PDSS2: variants seen among roughly 807,000 people sequenced by gnomAD.
PDSS2 encodes decaprenyl diphosphate synthase subunit 2, also known as all trans-polyprenyl-diphosphate synthase PDSS2.
Under a neutral mutation model 44.5 loss-of-function variants are expected in PDSS2, and 31 were observed. That is an observed-to-expected ratio of 0.70 (90% CI 0.52 to 0.94). The LOEUF is 0.94. Among genes scored for constraint, PDSS2 ranks in the 40% least tolerant of loss-of-function variants. The pLI is 0.00. For missense variants in PDSS2, 452 were observed against 482.2 expected (o/e 0.94, Z 0.59); for synonymous variants, 157 against 180.3 (o/e 0.87, Z 1.03).
chr6:107,179,218 G>C (rs1477584286), intron 7 of PDSS2, among the ~76,000 whole-genome samples: 1 of 152,060 alleles, frequency 6.6e-6, no homozygotes, highest in Non-Finnish European at 1.5e-5. Flanking sequence ...GCACCATTGC[G>C]CTACACACTA....
intron 1 of PDSS2, among the ~76,000 whole-genome samples, chr6:107,432,949 A>G (rs1583078259): frequency 6.6e-6 from 1 of 151,818 alleles, no homozygotes; most frequent in East Asian, 1.9e-4. Context: ...TTTCCCTACC[A>G]CCCCAATAAC....
chr6:107,275,154 G>A (rs1775735920), intron 2 of PDSS2, among the ~76,000 whole-genome samples: 1 of 152,044 alleles, frequency 6.6e-6, no homozygotes, highest in Non-Finnish European at 1.5e-5. Flanking sequence ...TTTATTACAC[G>A]GGAATTTCAG....
chr6:107,248,537 A>G (rs935579301), intron 3 of PDSS2, among the ~76,000 whole-genome samples: 6 of 136,052 alleles, frequency 4.4e-5, no homozygotes, highest in Non-Finnish European at 9.3e-5. Flanking sequence ...AAAAAAAAAA[A>G]GCAGAATACT....
chr6:107,179,986 C>T (rs184071684), intron 7 of PDSS2, among the ~76,000 whole-genome samples: 35 of 152,238 alleles, frequency 2.3e-4, no homozygotes, highest in African/African-American at 6.5e-4. Context: ...ATCTAGGTAA[C>T]GATATCTTCT....
intron 3 of PDSS2, among the ~76,000 whole-genome samples, chr6:107,273,576 T>C (rs1775675744): frequency 6.6e-6 from 1 of 152,048 alleles, no homozygotes; most frequent in Non-Finnish European, 1.5e-5. Flanking sequence ...ATCATAATAT[T>C]ATGTAAGAAA....
chr6:107,217,492 T>C (rs934300294), intron 4 of PDSS2, among the ~76,000 whole-genome samples: 1 of 151,958 alleles, frequency 6.6e-6, no homozygotes, highest in Admixed American at 6.6e-5. Flanking sequence ...GATTTTCCAA[T>C]AGAACTCCAG....
At chr6:107,230,203 G>A (rs7755327) in intron 4 of PDSS2, 41,190 of 146,202 alleles carry the variant, frequency 0.28, 5,799 homozygotes, top group East Asian at 0.4. Context: ...CACCACAAAC[G>A]ACAAAACTGA....
intron 1 of PDSS2, among the ~76,000 whole-genome samples, chr6:107,414,753 T>TTAA (rs1780607765): frequency 2.0e-5 from 3 of 152,166 alleles, no homozygotes; most frequent in African/African-American, 7.2e-5. Context: ...CCAGTCCTTG[T>TTAA]TAACATTCAC....
intron 1 of PDSS2, among the ~76,000 whole-genome samples, chr6:107,432,042 T>A (rs1275265183): frequency 1.3e-5 from 2 of 152,248 alleles, no homozygotes; most frequent in Non-Finnish European, 2.9e-5. Context: ...GCATTTACTA[T>A]AATTAAGTTA....
At chr6:107,160,498 C>A (rs1771085280) in intron 7 of PDSS2, among the ~76,000 whole-genome samples, 2 of 149,982 alleles carry the variant, frequency 1.3e-5, no homozygotes. Flanking sequence ...CAGGGACCTG[C>A]CACCACACCC....
intron 7 of PDSS2, among the ~76,000 whole-genome samples, chr6:107,189,913 A>G (rs1419005588): frequency 3.3e-5 from 5 of 152,028 alleles, no homozygotes; most frequent in African/African-American, 7.3e-5. Flanking sequence ...AAATAAAGAA[A>G]GAAAGAAACA....
intron 3 of PDSS2, among the ~76,000 whole-genome samples, chr6:107,251,631 G>C (rs1343204038): frequency 1.3e-5 from 2 of 152,190 alleles, no homozygotes; most frequent in Admixed American, 1.3e-4. Flanking sequence ...GGGGAAGAAT[G>C]AATTTTCATA....
chr6:107,407,859 A>G (rs113812468), intron 1 of PDSS2, among the ~76,000 whole-genome samples: 1 of 151,122 alleles, frequency 6.6e-6, no homozygotes, highest in Admixed American at 6.6e-5. Flanking sequence ...GCCACCATGC[A>G]TGGCTAATTT....
At chr6:107,400,863 A>G (rs895652796) in intron 1 of PDSS2, among the ~76,000 whole-genome samples, 1 of 152,106 alleles carries the variant, frequency 6.6e-6, no homozygotes, top group African/African-American at 2.4e-5. Context: ...TGCCTTAGAG[A>G]CAGACCATAG....
intron 2 of PDSS2, among the ~76,000 whole-genome samples, chr6:107,332,936 G>T (rs1456513268): frequency 6.6e-6 from 1 of 152,112 alleles, no homozygotes; most frequent in Non-Finnish European, 1.5e-5. Flanking sequence ...AAATTATATT[G>T]GCTGGAGGAA....
chr6:107,200,134 C>A (rs1562369937), intron 6 of PDSS2, among the ~76,000 whole-genome samples: 1 of 152,142 alleles, frequency 6.6e-6, no homozygotes, highest in Non-Finnish European at 1.5e-5. Flanking sequence ...GATTTCAAGA[C>A]ATACACCTCA....
chr6:107,355,473 T>A (rs1778570858), intron 1 of PDSS2, among the ~76,000 whole-genome samples: 1 of 152,164 alleles, frequency 6.6e-6, no homozygotes, highest in South Asian at 2.1e-4. Flanking sequence ...GTATCTTAGA[T>A]AAACTACTGT....
intron 7 of PDSS2, among the ~76,000 whole-genome samples, chr6:107,162,952 G>A (rs1437680941): frequency 6.6e-6 from 1 of 152,146 alleles, no homozygotes; most frequent in African/African-American, 2.4e-5. Context: ...TAGTCCAGGT[G>A]TAAATTTCTC....
At chr6:107,389,788 G>A (rs1288846388) in intron 1 of PDSS2, among the ~76,000 whole-genome samples, 1 of 152,004 alleles carries the variant, frequency 6.6e-6, no homozygotes, top group Non-Finnish European at 1.5e-5. Flanking sequence ...CCCAGATATT[G>A]GTTTCTAAAT....
Sources: gnomAD v4.1 joint callset for allele counts (sites outside exome capture counted in the v4.1 genomes callset) on GRCh38, gnomAD v4.1.1 for gene constraint, MANE v1.5 for transcripts, NCBI Gene and HGNC (gene_info 2026-07-23, HGNC 2026-07-21) for gene names.